VTI1A: variants seen among roughly 807,000 people sequenced by gnomAD.
VTI1A encodes vesicle transport through interaction with t-SNAREs homolog 1A.
Under a neutral mutation model 34.9 loss-of-function variants are expected in VTI1A, and 22 were observed. The ratio of observed to expected loss-of-function variants is 0.63; its 90% CI spans 0.45 to 0.90. The LOEUF is 0.90. Among genes scored for constraint, VTI1A ranks in the 40% least tolerant of loss-of-function variants. The probability of loss-of-function intolerance (pLI) is 0.00; values close to 1 mark genes in which losing one functional copy is unlikely to be tolerated. For synonymous variants in VTI1A, 87 were observed against 97.3 expected (o/e 0.89, Z 0.62); for missense variants, 268 against 275.6 (o/e 0.97, Z 0.20).
intron 7 of VTI1A, among the ~76,000 whole-genome samples, chr10:112,792,159 C>T (rs1852503043): frequency 6.6e-6 from 1 of 152,082 alleles, no homozygotes; most frequent in Non-Finnish European, 1.5e-5. Flanking sequence ...CCTATAATCC[C>T]AGCTACTCAG....
chr10:112,818,747 A>G, downstream of VTI1A: 1 of 191,516 alleles, frequency 5.2e-6, no homozygotes, highest in Non-Finnish European at 1.1e-5. Flanking sequence ...AGGGCTAATG[A>G]TTTGTTTATC....
chr10:112,850,356 A>AG, the VTI1A span, among the ~76,000 whole-genome samples: 1 of 78,394 alleles, frequency 1.3e-5, no homozygotes, highest in African/African-American at 3.6e-5. Context: ...GCACCTTTAA[A>AG]GGAAAAAAAA....
intron 5 of VTI1A, among the ~76,000 whole-genome samples, chr10:112,610,551 A>C (rs546736513): frequency 9.2e-5 from 14 of 152,370 alleles, no homozygotes; most frequent in Non-Finnish European, 1.8e-4. Flanking sequence ...AAGAAAAAAT[A>C]AATCTGTGTA....
At chr10:112,768,935 G>T (rs1177652976) in intron 7 of VTI1A, among the ~76,000 whole-genome samples, 2 of 152,082 alleles carry the variant, frequency 1.3e-5, no homozygotes, top group Non-Finnish European at 2.9e-5. Context: ...TACATGAAGG[G>T]TATAGGAATT....
intron 5 of VTI1A, among the ~76,000 whole-genome samples, chr10:112,620,992 G>A (rs1253639885): frequency 6.6e-6 from 1 of 152,022 alleles, no homozygotes; most frequent in Non-Finnish European, 1.5e-5. Flanking sequence ...TTTACATAGG[G>A]CATTTTGGAT....
At chr10:112,588,238 A>G (rs1384283910) in intron 5 of VTI1A, among the ~76,000 whole-genome samples, 1 of 152,236 alleles carries the variant, frequency 6.6e-6, no homozygotes, top group Non-Finnish European at 1.5e-5. Flanking sequence ...AGCAAAAAGC[A>G]ATAAACTATA....
chr10:112,463,244 G>A (rs938908707), intron 2 of VTI1A, among the ~76,000 whole-genome samples: 2 of 152,076 alleles, frequency 1.3e-5, no homozygotes, highest in African/African-American at 4.8e-5. Flanking sequence ...TTTTTTAATG[G>A]CAACTACAAG....
At chr10:112,678,915 G>A (rs1380131871) in intron 7 of VTI1A, among the ~76,000 whole-genome samples, 2 of 152,218 alleles carry the variant, frequency 1.3e-5, no homozygotes, top group African/African-American at 4.8e-5. Flanking sequence ...TGCAGGGCAA[G>A]AAAACCTTGT....
At chr10:112,637,373 G>A (rs1846393502) in intron 5 of VTI1A, among the ~76,000 whole-genome samples, 3 of 152,152 alleles carry the variant, frequency 2.0e-5, no homozygotes, top group South Asian at 2.1e-4. Flanking sequence ...ATCATGATTA[G>A]AACTGCTATA....
At chr10:112,655,351 G>C (rs1847193435) in intron 5 of VTI1A, among the ~76,000 whole-genome samples, 1 of 152,156 alleles carries the variant, frequency 6.6e-6, no homozygotes, top group Admixed American at 6.5e-5. Flanking sequence ...GGAGTAAAGA[G>C]AAGGTGTGTG....
At chr10:112,780,252 CAG>C (rs1353807587) in intron 7 of VTI1A, among the ~76,000 whole-genome samples, 1 of 150,296 alleles carries the variant, frequency 6.7e-6, no homozygotes, top group Non-Finnish European at 1.5e-5. Context: ...GCCTGGGAGA[CAG>C]AGCAAGACCC....
rs77980900 is a variant in VTI1A at position 112,712,511 on chromosome 10, C to T, written c.560+43513C>T. Among the ~76,000 whole-genome samples the T allele has an allele frequency of 3.6e-3, 528 of 147,870 alleles. 6 individuals carry two copies. The highest frequency in any genetic ancestry group is 0.012 in the African/African-American group (500 of 40,188). ...ACACACACACACACACACACACACA[C>T]ATTAAATGATATAAATCTAGTTAAA... On this transcript the variant is annotated intron_variant, in intron 7 of 7. Transcript: ENST00000393077.
the VTI1A span, among the ~76,000 whole-genome samples, chr10:112,842,050 CCTTTTTTTT>C: frequency 7.5e-5 from 7 of 93,164 alleles, no homozygotes; most frequent in African/African-American, 1.9e-4. Flanking sequence ...TTTTTTTTTT[CCTTTTTTTT>C]TTTTTTTTTT....
At chr10:112,588,194 CAG>C (rs1475230722) in intron 5 of VTI1A, among the ~76,000 whole-genome samples, 21 of 151,974 alleles carry the variant, frequency 1.4e-4, no homozygotes. Context: ...AGACAGGCAA[CAG>C]AAATATATAA....
intron 5 of VTI1A, among the ~76,000 whole-genome samples, chr10:112,631,556 G>A (rs890688595): frequency 3.3e-5 from 5 of 152,178 alleles, no homozygotes; most frequent in African/African-American, 1.2e-4. Context: ...TCAGCATAAT[G>A]TTTTTGAGGT....
chr10:112,587,019 C>G (rs766181962), intron 5 of VTI1A, among the ~76,000 whole-genome samples: 1 of 152,048 alleles, frequency 6.6e-6, no homozygotes, highest in Non-Finnish European at 1.5e-5. Flanking sequence ...ATTTGTTTGT[C>G]TTTGACTTTC....
chr10:112,636,231 T>A (rs1349366301), intron 5 of VTI1A, among the ~76,000 whole-genome samples: 1 of 152,248 alleles, frequency 6.6e-6, no homozygotes, highest in African/African-American at 2.4e-5. Flanking sequence ...AATCTTTATA[T>A]AAGGGCACTT....
At chr10:112,732,230 G>A (rs1157684790) in intron 7 of VTI1A, among the ~76,000 whole-genome samples, 1 of 152,174 alleles carries the variant, frequency 6.6e-6, no homozygotes, top group Non-Finnish European at 1.5e-5. Flanking sequence ...TCTAGGGAAG[G>A]CAGCTACATC....
chr10:112,548,845 T>G, intron 5 of VTI1A: 1 of 1,486,262 alleles, frequency 6.7e-7, no homozygotes, highest in Non-Finnish European at 9.1e-7. Context: ...AGGGCCATCT[T>G]CCAGCTTTTT....
Sources: allele counts gnomAD v4.1 joint callset (sites outside exome capture counted in the v4.1 genomes callset), GRCh38; gene constraint gnomAD v4.1.1; transcripts MANE v1.5; gene names NCBI Gene and HGNC (gene_info 2026-07-23, HGNC 2026-07-21).